The following TFF1 variants were observed in gnomAD, a reference collection of about 807,000 sequenced individuals.
The protein encoded by TFF1 is trefoil factor 1.
A neutral mutation model predicts 7.7 loss-of-function variants in TFF1; 8 were observed. The observed-to-expected ratio is 1.04, with a 90% confidence interval of 0.61 to 1.87. TFF1 has a LOEUF of 1.87. TFF1 is among the 40% of genes most tolerant of loss of function. TFF1 has a pLI of 0.00. For missense variants in TFF1, 120 were observed against 113.4 expected, an observed-to-expected ratio of 1.06 and a Z score of -0.26; for synonymous variants, 47 against 44.8, an observed-to-expected ratio of 1.05 and a Z score of -0.19.
intron 1 of TFF1, 101 bp downstream of exon 1, chr21:42,366,310 A>G: frequency 2.3e-6 from 2 of 872,986 alleles, no homozygotes; most frequent in South Asian, 1.8e-5. Context: ...AGCACCTGGC[A>G]CAAAACAGGT....
rs759352411 is a variant in TFF1 at position 42,363,416 on chromosome 21, G to GC, written c.86-10dup. On this transcript the variant is annotated splice_polypyrimidine_tract_variant and intron_variant, in intron 1 of 2. Coordinates refer to ENST00000291527, the MANE Select transcript of TFF1 (RefSeq NM_003225.3). ...GGCCACTGTACACGTCTCTGAAAGT[G>GC]CACAGGTAAGAAGCAAAGTAAGTTG... 4.3e-6 allele frequency: 7 copies of GC among 1,612,396 alleles called. No individual in the cohort carries two copies. Among genetic ancestry groups the GC allele is most frequent in the Non-Finnish European group, 5.9e-6 (7 of 1,179,182 alleles).
At chr21:42,365,149 A>T (rs2052269633) in intron 1 of TFF1, among the ~76,000 whole-genome samples, 1 of 152,180 alleles carries the variant, frequency 6.6e-6, no homozygotes, top group Admixed American at 6.5e-5. Context: ...TTTCAGTTGT[A>T]ACAGGATCAT....
intron 1 of TFF1, among the ~76,000 whole-genome samples, chr21:42,363,979 C>T (rs544400558): frequency 5.9e-5 from 9 of 152,058 alleles, no homozygotes; most frequent in Middle Eastern, 3.4e-3. Flanking sequence ...TTGTGGCACA[C>T]GTCTGTAATC....
chr21:42,362,563 A>T, intron 2 of TFF1, 68 bp from the exon 3 acceptor site: 1 of 1,500,862 alleles, frequency 6.7e-7, no homozygotes, highest in Non-Finnish European at 8.9e-7. Context: ...TCACATTTAA[A>T]CAATTACAGA....
At chr21:42,365,055 C>A (rs948744802) in intron 1 of TFF1, among the ~76,000 whole-genome samples, 1 of 152,170 alleles carries the variant, frequency 6.6e-6, no homozygotes, top group Admixed American at 6.5e-5. Context: ...CTTGCCCACC[C>A]GCTTTGTCTT....
chr21:42,365,158 A>G (rs1277126444), intron 1 of TFF1, among the ~76,000 whole-genome samples: 1 of 152,142 alleles, frequency 6.6e-6, no homozygotes, highest in African/African-American at 2.4e-5. Context: ...TAACAGGATC[A>G]TGGACCTGAG....
At chr21:42,364,657 G>A (rs531658646) in intron 1 of TFF1, among the ~76,000 whole-genome samples, 49 of 152,366 alleles carry the variant, frequency 3.2e-4, no homozygotes, top group Middle Eastern at 3.4e-3. Context: ...TCCGGTCCCT[G>A]TCCCTGCCTT....
At chr21:42,365,572 T>G (rs1472962558) in intron 1 of TFF1, among the ~76,000 whole-genome samples, 1 of 152,108 alleles carries the variant, frequency 6.6e-6, no homozygotes, top group Non-Finnish European at 1.5e-5. Flanking sequence ...TGGAAACCCT[T>G]GCTTTGGAAA....
rs545855841 is a variant in TFF1 at position 42,364,644 on chromosome 21, C to T, written c.86-1237G>A. On this transcript the variant is annotated intron_variant, in intron 1 of 2. Transcript: ENST00000291527. ...GGGGGTGAAAGAGGAGCCCAGAGCA[C>T]CCTCCGGTCCCTGTCCCTGCCTTGG... 5.2e-3 allele frequency among the ~76,000 whole-genome samples: 790 copies of T among 152,332 alleles called. 8 individuals carry two copies. Among genetic ancestry groups the T allele is most frequent in the African/African-American group, 0.018 (757 of 41,584 alleles).
rs755126144 is a variant in TFF1 at position 42,363,252 on chromosome 21, T to C, written c.238+3A>G. 5.0e-6 allele frequency: 8 copies of C among 1,614,018 alleles called. No individual in the cohort carries two copies. The East Asian group carries it at 1.3e-4, about 27-fold the overall frequency. On this transcript the variant is annotated splice_donor_region_variant and intron_variant, in intron 2 of 2. Transcript: ENST00000291527. Reference sequence around the variant, plus strand: ...CAGAACCCATCGTATAAAAAGGCCATACCTTCTGGAGGGACGTCGATGGTA... The same window carrying C: ...CAGAACCCATCGTATAAAAAGGCCACACCTTCTGGAGGGACGTCGATGGTA...
chr21:42,364,719 C>T (rs964882246), intron 1 of TFF1, among the ~76,000 whole-genome samples: 8 of 152,148 alleles, frequency 5.3e-5, no homozygotes, highest in African/African-American at 4.8e-5. Context: ...CAGGTGAGGG[C>T]GCCCCAGGGG....
At chr21:42,363,975 C>A (rs745780067) in intron 1 of TFF1, among the ~76,000 whole-genome samples, 2 of 152,034 alleles carry the variant, frequency 1.3e-5, no homozygotes, top group Admixed American at 6.5e-5. Flanking sequence ...GGCATTGTGG[C>A]ACACGTCTGT....
chr21:42,366,010 C>A (rs992393694), intron 1 of TFF1, among the ~76,000 whole-genome samples: 1 of 152,150 alleles, frequency 6.6e-6, no homozygotes, highest in South Asian at 2.1e-4. Context: ...TCACTGGGAC[C>A]GGCATTTGGG....
intron 2 of TFF1, 64 bp downstream of exon 2, chr21:42,363,191 A>G: frequency 1.9e-6 from 3 of 1,603,038 alleles, no homozygotes; most frequent in Non-Finnish European, 2.6e-6. Context: ...GAGCCTCTGT[A>G]GTCTTAAATG....
chr21:42,365,608 C>T (rs1240992628), intron 1 of TFF1, among the ~76,000 whole-genome samples: 1 of 152,160 alleles, frequency 6.6e-6, no homozygotes, highest in Admixed American at 6.5e-5. Context: ...CTCCTGCCCC[C>T]ACCTTGAAAC....
At chr21:42,362,566 A>G (rs1217398775) in intron 2 of TFF1, 71 bp from the exon 3 acceptor site, 2 of 1,493,928 alleles carry the variant, frequency 1.3e-6, no homozygotes, top group Admixed American at 4.8e-5. Context: ...CATTTAAACA[A>G]TTACAGAGTT....
intron 1 of TFF1, among the ~76,000 whole-genome samples, chr21:42,364,412 G>A (rs556355405): frequency 2.6e-5 from 4 of 152,332 alleles, no homozygotes; most frequent in South Asian, 2.1e-4. Context: ...AGCCGACAGA[G>A]GGTACAAGCT....
chr21:42,365,528 C>A (rs1481959507), intron 1 of TFF1, among the ~76,000 whole-genome samples: 1 of 152,148 alleles, frequency 6.6e-6, no homozygotes, highest in African/African-American at 2.4e-5. Context: ...GGGGCACGGA[C>A]AGCACCACTG....
chr21:42,363,553 G>T, intron 1 of TFF1, 146 bp from the exon 2 acceptor site: 1 of 1,053,340 alleles, frequency 9.5e-7, no homozygotes. Flanking sequence ...ATGAGAGGGA[G>T]ACGTGGTCCT....
Sources: allele counts gnomAD v4.1 joint callset (sites outside exome capture counted in the v4.1 genomes callset), GRCh38; gene constraint gnomAD v4.1.1; transcripts MANE v1.5; gene names NCBI Gene and HGNC (gene_info 2026-07-23, HGNC 2026-07-21).